The following C16orf78 variants were observed in gnomAD, a reference collection of about 807,000 sequenced individuals.
C16orf78 encodes uncharacterized protein C16orf78.
In C16orf78, 19 loss-of-function variants were observed where a neutral mutation model predicts 27.3. That is an observed-to-expected ratio of 0.70 (90% CI 0.49 to 1.02). The LOEUF (loss-of-function observed/expected upper bound fraction) is 1.02, where lower values mean the gene tolerates loss of function less well. Ranked by LOEUF, C16orf78 falls within the 50% of genes least tolerant of loss-of-function variation. C16orf78 has a pLI of 0.00. For synonymous variants in C16orf78, 130 were observed against 116.1 expected, an observed-to-expected ratio of 1.12 and a Z score of -0.77; for missense variants, 339 against 337.0, an observed-to-expected ratio of 1.01 and a Z score of -0.05.
intron 3 of C16orf78, among the ~76,000 whole-genome samples, chr16:49,390,836 G>C (rs1456068378): frequency 6.6e-6 from 1 of 152,144 alleles, no homozygotes; most frequent in Non-Finnish European, 1.5e-5. Flanking sequence ...GGACTGCTAG[G>C]CTCTGCCTTT....
At chr16:49,394,450 G>T (rs1422183650) in intron 3 of C16orf78, among the ~76,000 whole-genome samples, 1 of 149,668 alleles carries the variant, frequency 6.7e-6, no homozygotes, top group Non-Finnish European at 1.5e-5. Flanking sequence ...ACATATTAAA[G>T]GAAAAAATGT....
chr16:49,378,712 G>A, intron 3 of C16orf78, 119 bp downstream of exon 3: 1 of 1,444,266 alleles, frequency 6.9e-7, no homozygotes, highest in South Asian at 1.3e-5. Context: ...TCCAACCATT[G>A]TGCACACAGG....
intron 3 of C16orf78, among the ~76,000 whole-genome samples, chr16:49,392,050 C>T (rs986477472): frequency 6.6e-6 from 1 of 152,172 alleles, no homozygotes; most frequent in African/African-American, 2.4e-5. Context: ...ACACCTCAGG[C>T]CACTGTCTCT....
intron 3 of C16orf78, among the ~76,000 whole-genome samples, chr16:49,392,083 T>C (rs1399811737): frequency 6.6e-6 from 1 of 152,114 alleles, no homozygotes; most frequent in Non-Finnish European, 1.5e-5. Context: ...TTGCAGGAGG[T>C]CTAGACGCAT....
chr16:49,378,653 A>G, intron 3 of C16orf78, 60 bp downstream of exon 3: 1 of 1,601,998 alleles, frequency 6.2e-7, no homozygotes, highest in South Asian at 1.1e-5. Context: ...CCTCCTCTAG[A>G]AGAAACCGAA....
At chr16:49,392,615 A>G (rs1965426825) in intron 3 of C16orf78, among the ~76,000 whole-genome samples, 1 of 152,238 alleles carries the variant, frequency 6.6e-6, no homozygotes, top group East Asian at 1.9e-4. Flanking sequence ...GTAGGTAAAT[A>G]GTAGGTAAAT....
At chr16:49,376,373 C>T (rs557077978) in intron 1 of C16orf78, among the ~76,000 whole-genome samples, 115 of 152,342 alleles carry the variant, frequency 7.5e-4, no homozygotes, top group Non-Finnish European at 1.2e-3. Context: ...ATGTCAATTC[C>T]GCTCAGCTTC....
At chr16:49,381,899 C>G (rs1682246897) in intron 3 of C16orf78, among the ~76,000 whole-genome samples, 1 of 151,674 alleles carries the variant, frequency 6.6e-6, no homozygotes, top group South Asian at 2.1e-4. Flanking sequence ...TTTGACCCAG[C>G]CATCCCATTA....
rs775134817 is a variant in C16orf78, at chr16:49,399,131, A to T, written c.651A>T (p.Arg217=). The T allele has an allele frequency of 7.4e-6, 12 of 1,613,752 alleles. No homozygotes were observed. The highest frequency in any genetic ancestry group is 1.6e-4 in the Middle Eastern group (1 of 6,084). The change falls in exon 5 of 5, where the codon CGA becomes CGT. Residue 217 remains arginine (R), a splice_region_variant and synonymous_variant. Transcript: ENST00000299191. ...ACCTCTTTTGCCTTCTCTTGAACAGATACCTGAGGTTATCCAAGGAGAACA... is the reference window on the plus strand; with the variant it reads ...ACCTCTTTTGCCTTCTCTTGAACAGTTACCTGAGGTTATCCAAGGAGAACA... ...MLKPEEVLSC[R]YLRLSKENIR... is the part of the protein sequence containing the mutation.
At chr16:49,387,577 A>G (rs1965366174) in intron 3 of C16orf78, among the ~76,000 whole-genome samples, 1 of 152,134 alleles carries the variant, frequency 6.6e-6, no homozygotes, top group Non-Finnish European at 1.5e-5. Flanking sequence ...GTTAGGGAGG[A>G]GTCCCTCCTC....
chr16:49,387,637 T>C (rs565083034), intron 3 of C16orf78, among the ~76,000 whole-genome samples: 5 of 152,338 alleles, frequency 3.3e-5, no homozygotes, highest in Admixed American at 6.5e-5. Flanking sequence ...CTCTTCTTTG[T>C]ACATCTTGTA....
chr16:49,396,370 AC>A, intron 3 of C16orf78, 52 bp from the exon 4 acceptor site: 2 of 1,592,248 alleles, frequency 1.3e-6, no homozygotes, highest in Non-Finnish European at 1.7e-6. Flanking sequence ...TGCCTACCCC[AC>A]CTCTCACGTC....
chr16:49,394,295 A>G (rs1023836619), intron 3 of C16orf78, among the ~76,000 whole-genome samples: 6 of 152,276 alleles, frequency 3.9e-5, no homozygotes, highest in Middle Eastern at 3.4e-3. Flanking sequence ...AAATCTAAAA[A>G]TTTTTAGCAA....
intron 1 of C16orf78, among the ~76,000 whole-genome samples, chr16:49,377,271 G>A (rs1259939409): frequency 1.3e-5 from 2 of 152,150 alleles, no homozygotes; most frequent in Admixed American, 6.5e-5. Context: ...GTGGGCCTGG[G>A]GTGCTCCGGG....
chr16:49,374,189 T>G, intron 1 of C16orf78, 100 bp downstream of exon 1: 3 of 1,464,106 alleles, frequency 2.0e-6, no homozygotes, highest in Admixed American at 2.2e-5. Flanking sequence ...AAAGGCGGGA[T>G]GGTTTTGAAG....
At position 49,373,887 on chromosome 16, in the gene C16orf78, A is replaced by G; in HGVS notation, c.-53A>G. 6.2e-7 allele frequency: 1 copy of G among 1,604,222 alleles called. No homozygotes were observed. On this transcript the variant is annotated 5_prime_UTR_variant, in exon 1 of 5. Transcript: ENST00000299191. ...ATCAAGTCCAGACAAAGGGATCGAA[A>G]GAGTGAGACAGTGCCAGCCACCTCC...
At chr16:49,374,240 G>A in intron 1 of C16orf78, 151 bp downstream of exon 1, 2 of 912,948 alleles carry the variant, frequency 2.2e-6, no homozygotes, top group South Asian at 1.8e-5. Context: ...GGACATTAAG[G>A]GGGTGGGGGA....
At chr16:49,382,512 C>T (rs1458244683) in intron 3 of C16orf78, among the ~76,000 whole-genome samples, 9 of 152,054 alleles carry the variant, frequency 5.9e-5, no homozygotes, top group Non-Finnish European at 1.5e-5. Context: ...ATTAGACTCC[C>T]TTGTTCTTCA....
At chr16:49,376,768 G>A (rs951922672) in intron 1 of C16orf78, among the ~76,000 whole-genome samples, 4 of 152,094 alleles carry the variant, frequency 2.6e-5, no homozygotes, top group African/African-American at 9.7e-5. Flanking sequence ...TTATGAAGTA[G>A]GTCCTACTAT....
Sources: allele counts gnomAD v4.1 joint callset (sites outside exome capture counted in the v4.1 genomes callset), GRCh38; gene constraint gnomAD v4.1.1; transcripts MANE v1.5; gene names NCBI Gene and HGNC (gene_info 2026-07-23, HGNC 2026-07-21).